Variants in HMGCLL1 observed in about 807,000 individuals in gnomAD.
HMGCLL1 encodes 3-hydroxy-3-methylglutaryl-CoA lyase like 1, also known as 3-hydroxymethyl-3-methylglutaryl-CoA lyase, cytoplasmic.
In HMGCLL1, 36 loss-of-function variants were observed where a neutral mutation model predicts 39.1. The ratio of observed to expected loss-of-function variants is 0.92; its 90% confidence interval spans 0.71 to 1.22. The LOEUF is 1.22. HMGCLL1 is among the 50% of genes most tolerant of loss of function. HMGCLL1 has a pLI of 0.00. For synonymous variants in HMGCLL1, 149 were observed against 144.0 expected (o/e 1.03, Z -0.25); for missense variants, 451 against 416.5 (o/e 1.08, Z -0.72).
intron 7 of HMGCLL1, among the ~76,000 whole-genome samples, chr6:55,474,510 C>T (rs542899273): frequency 1.3e-5 from 2 of 151,370 alleles, no homozygotes; most frequent in East Asian, 1.9e-4. Flanking sequence ...TTTACATTCC[C>T]GTCTCTTTTT....
intron 3 of HMGCLL1, among the ~76,000 whole-genome samples, chr6:55,528,487 C>T (rs1396834948): frequency 6.6e-6 from 1 of 151,958 alleles, no homozygotes; most frequent in Non-Finnish European, 1.5e-5. Flanking sequence ...TACAGTAACC[C>T]TGTCTCATTC....
intron 3 of HMGCLL1, among the ~76,000 whole-genome samples, chr6:55,538,796 G>A: frequency 6.6e-6 from 1 of 151,556 alleles, no homozygotes; most frequent in Non-Finnish European, 1.5e-5. Context: ...AAATACTTAT[G>A]GTATAGGTAG....
chr6:55,548,582 C>A (rs1770126463), intron 1 of HMGCLL1, among the ~76,000 whole-genome samples: 1 of 151,968 alleles, frequency 6.6e-6, no homozygotes, highest in South Asian at 2.1e-4. Flanking sequence ...AGGTTTTTAG[C>A]ATCTTTACCA....
At chr6:55,443,765 A>C (rs1039925256) in intron 7 of HMGCLL1, among the ~76,000 whole-genome samples, 1 of 152,208 alleles carries the variant, frequency 6.6e-6, no homozygotes, top group Non-Finnish European at 1.5e-5. Context: ...ACTGACAACA[A>C]TTAAAAAAGA....
At chr6:55,625,866 G>C in the HMGCLL1 span, among the ~76,000 whole-genome samples, 1 of 152,168 alleles carries the variant, frequency 6.6e-6, no homozygotes, top group Non-Finnish European at 1.5e-5. Context: ...GGTGACATTA[G>C]CGAAGGAAGA....
intron 5 of HMGCLL1, among the ~76,000 whole-genome samples, chr6:55,508,929 G>A (rs1767301494): frequency 6.6e-6 from 1 of 151,190 alleles, no homozygotes; most frequent in Admixed American, 6.6e-5. Context: ...CTAATTTCAT[G>A]AGAAATGATT....
chr6:55,440,606 G>T (rs1763552804), intron 7 of HMGCLL1, among the ~76,000 whole-genome samples: 1 of 152,140 alleles, frequency 6.6e-6, no homozygotes, highest in African/African-American at 2.4e-5. Flanking sequence ...AGAAGATACA[G>T]TAAAGCCTAA....
chr6:55,556,146 A>G (rs1770654731), intron 1 of HMGCLL1, among the ~76,000 whole-genome samples: 1 of 152,184 alleles, frequency 6.6e-6, no homozygotes, highest in Non-Finnish European at 1.5e-5. Context: ...CCTGGCAGAC[A>G]GCAGTGAACA....
intron 7 of HMGCLL1, among the ~76,000 whole-genome samples, chr6:55,491,928 T>TA (rs536222939): frequency 0.011 from 1,701 of 149,286 alleles, 38 homozygotes; most frequent in African/African-American, 0.04. Context: ...ATTTAAGTAA[T>TA]AAAAAAAAAA....
At position 55,478,862 on chromosome 6, in the gene HMGCLL1, T is replaced by C. The variant is rs573047304; in HGVS notation, c.795+16557A>G. ...ATGAGAATTTCACATCATTTTTTTT[T>C]TCATGGTAAATGGATACATTAAAGA... On this transcript the variant is annotated intron_variant, in intron 7 of 8. Coordinates refer to ENST00000274901, the MANE Select transcript of HMGCLL1 (RefSeq NM_001042406.2). Among the ~76,000 whole-genome samples the C allele has an allele frequency of 1.7e-3, 258 of 151,528 alleles. 4 individuals carry two copies. Among genetic ancestry groups the C allele is most frequent in the South Asian group, 3.1e-3 (15 of 4,824 alleles).
intron 7 of HMGCLL1, among the ~76,000 whole-genome samples, chr6:55,450,221 G>A (rs1231873115): frequency 2.0e-5 from 3 of 152,196 alleles, no homozygotes; most frequent in Non-Finnish European, 2.9e-5. Context: ...TAAGGAAAAT[G>A]ACAGCTGAGA....
rs140132676 is a variant in HMGCLL1 at position 55,567,965 on chromosome 6, G to A, written c.108+10983C>T. ...TTTATTTACTTATTTAATTTTCAGA[G>A]GTTTTCTATCCTTGTTATTACTTGG... On this transcript the variant is annotated intron_variant, in intron 1 of 8. Transcript: ENST00000274901. Among the ~76,000 whole-genome samples the A allele has an allele frequency of 3.9e-3, 599 of 152,058 alleles. 5 individuals carry two copies. Among genetic ancestry groups the A allele is most frequent in the African/African-American group, 0.014 (580 of 41,452 alleles).
intron 1 of HMGCLL1, among the ~76,000 whole-genome samples, chr6:55,553,868 C>G (rs1415568962): frequency 2.0e-5 from 3 of 152,160 alleles, no homozygotes; most frequent in Non-Finnish European, 4.4e-5. Context: ...TTGCCACAAT[C>G]AAAATAATAC....
chr6:55,538,761 A>C (rs1769171428), intron 3 of HMGCLL1, among the ~76,000 whole-genome samples: 1 of 152,138 alleles, frequency 6.6e-6, no homozygotes, highest in Admixed American at 6.5e-5. Context: ...AGTAGAAGAT[A>C]AACGATACAT....
At position 55,435,703 on chromosome 6, in the gene HMGCLL1, T is replaced by C. The variant is rs1480914064; in HGVS notation, c.982A>G (p.Thr328Ala). The change falls in exon 9 of 9, where the codon ACC becomes GCC. Residue 328 changes from threonine (T) to alanine (A), a missense_variant. Coordinates refer to ENST00000274901, the MANE Select transcript of HMGCLL1 (RefSeq NM_001042406.2). The part of the protein sequence containing the change: ...GDFICKAVNK[T>A]TNSKVAQASF... ...GCTTGTGCTACTTTAGAGTTTGTGG[T>C]TTTATTCACAGCTTTGCAAATAAAG... 1.2e-6 allele frequency: 2 copies of C among 1,606,248 alleles called. No homozygotes were observed. The highest frequency in any genetic ancestry group is 2.7e-5 in the African/African-American group (2 of 74,572).
At chr6:55,612,644 C>A in the HMGCLL1 span, among the ~76,000 whole-genome samples, 1 of 152,096 alleles carries the variant, frequency 6.6e-6, no homozygotes, top group Non-Finnish European at 1.5e-5. Flanking sequence ...AGAAATAAGA[C>A]CACACATGTA....
At chr6:55,556,637 G>A (rs1220025825) in intron 1 of HMGCLL1, among the ~76,000 whole-genome samples, 1 of 152,060 alleles carries the variant, frequency 6.6e-6, no homozygotes, top group African/African-American at 2.4e-5. Context: ...ATGATCTGAG[G>A]TACATTGGAC....
chr6:55,579,160 G>C lies in HMGCLL1; in HGVS notation c.-105C>G. ...GCCAGCTCGGGAGCGCGCCCCTCCGGTGCACTGGCTGTGAGGACCAGAGCT... is the reference window on the plus strand; with the variant it reads ...GCCAGCTCGGGAGCGCGCCCCTCCGCTGCACTGGCTGTGAGGACCAGAGCT... On this transcript the variant is annotated 5_prime_UTR_variant, in exon 1 of 9. Coordinates refer to ENST00000274901, the MANE Select transcript of HMGCLL1 (RefSeq NM_001042406.2). 2 of 834,370 alleles carry C rather than the reference G, an allele frequency of 2.4e-6. No individual in the cohort carries two copies. The highest frequency in any genetic ancestry group is 3.9e-6 in the Non-Finnish European group (2 of 509,234). The allele number at this position is 834,370 out of a possible 1,614,324, so 51.7% of individuals were successfully genotyped here.
the HMGCLL1 span, among the ~76,000 whole-genome samples, chr6:55,635,230 T>C: frequency 6.6e-6 from 1 of 152,102 alleles, no homozygotes; most frequent in Non-Finnish European, 1.5e-5. Context: ...AAAGTAAAGC[T>C]TATCTCTCTG....
Sources: allele counts gnomAD v4.1 joint callset (sites outside exome capture counted in the v4.1 genomes callset), GRCh38; gene constraint gnomAD v4.1.1; transcripts MANE v1.5; gene names NCBI Gene and HGNC (gene_info 2026-07-23, HGNC 2026-07-21).